The following AR variants were observed in gnomAD, a reference collection of about 807,000 sequenced individuals.
The protein encoded by AR is androgen receptor.
In AR, 8 loss-of-function variants were observed where a neutral mutation model predicts 53.9. The ratio of observed to expected loss-of-function variants is 0.15; its 90% CI spans 0.09 to 0.27. The LOEUF is 0.27. AR is among the 10% of genes least tolerant of loss of function. The pLI, the probability that AR is intolerant of heterozygous loss-of-function variation, is 1.00. For missense variants in AR, 639 were observed against 742.5 expected (o/e 0.86, Z 1.62); for synonymous variants, 359 against 316.4 (o/e 1.13, Z -1.43).
intron 1 of AR, among the ~76,000 whole-genome samples, chrX:67,623,926 TTTAA>T (rs1458896048): frequency 9.0e-6 from 1 of 111,071 alleles, no homozygotes; most frequent in East Asian, 2.8e-4. Flanking sequence ...AGAAAAGCGC[TTTAA>T]TTGACTCACA....
rs193088383 is a variant in AR, at chrX:67,728,238, G to T, written c.*4397G>T. The T allele has an allele frequency of 4.9e-3, 813 of 165,692 alleles. 9 individuals are homozygous for T. The highest frequency in any genetic ancestry group is 0.023 in the African/African-American group (759 of 32,667). The allele number at this position is 165,692 out of a possible 1,213,427, so 13.7% of individuals were successfully genotyped here. A position where few individuals can be genotyped will look rare whatever the true frequency, so the allele number is the denominator to read the frequency against. ...ATTGAAAATAATTTCGGGAAAATGG[G>T]ATTATGGGTCCTTCACTAAGTGATT... On this transcript the variant is annotated 3_prime_UTR_variant, in exon 8 of 8. Coordinates refer to ENST00000374690, the MANE Select transcript of AR (RefSeq NM_000044.6).
intron 3 of AR, among the ~76,000 whole-genome samples, chrX:67,710,902 C>T (rs2076091057): frequency 9.0e-6 from 1 of 111,685 alleles, no homozygotes; most frequent in Non-Finnish European, 1.9e-5. Context: ...TTAGTGTTTT[C>T]CTATTTTGTT....
rs768961988 is a variant in AR, at chrX:67,689,586, G to C, written c.1885+3460G>C. The C allele has an allele frequency of 7.1e-5, 68 of 962,602 alleles. No homozygotes were observed. In the South Asian group the frequency reaches 1.3e-3, roughly 18 times the overall value. The allele number at this position is 962,602 out of a possible 1,213,427, so 79.3% of individuals were successfully genotyped here. ...GTTGTTGTTTCTGAAAGAATCTTGA[G>C]GGTGTTTGGAGTCTCAGAATGGCTT... On this transcript the variant is annotated intron_variant, in intron 3 of 7. Coordinates refer to ENST00000374690, the MANE Select transcript of AR (RefSeq NM_000044.6).
chrX:67,606,648 C>T (rs755800275), intron 1 of AR, among the ~76,000 whole-genome samples: 1 of 112,428 alleles, frequency 8.9e-6, no homozygotes, highest in African/African-American at 3.2e-5. Context: ...GTACTTCTTA[C>T]GTACACTGTG....
rs749511946 is a variant in AR at position 67,725,685 on chromosome X, T to A, written c.*1844T>A. On this transcript the variant is annotated 3_prime_UTR_variant, in exon 8 of 8. Coordinates refer to ENST00000374690, the MANE Select transcript of AR (RefSeq NM_000044.6). ...CTGCTGCTGATTCTGGGCTCTGACA[T>A]TGCCCATACTCACTCAGATTCCCCA... is the stretch of plus-strand genomic sequence containing the variant. 1 of 173,755 alleles carries A rather than the reference T, an allele frequency of 5.8e-6. No homozygotes were observed. The highest frequency in any genetic ancestry group is 3.0e-5 in the African/African-American group (1 of 33,804). 14.3% of individuals were successfully genotyped at this position (173,755 alleles called of 1,213,427 possible). A position where few individuals can be genotyped will look rare whatever the true frequency, so the allele number is the denominator to read the frequency against.
In AR at chrX:67,725,909, T is replaced by C. The variant is rs1372156838; in HGVS notation, c.*2068T>C. 2 of 174,172 alleles carry C rather than the reference T, an allele frequency of 1.1e-5. No homozygotes were observed. Among genetic ancestry groups the C allele is most frequent in the Non-Finnish European group, 2.2e-5 (2 of 91,538 alleles). 14.4% of individuals were successfully genotyped at this position (174,172 alleles called of 1,213,427 possible). A position where few individuals can be genotyped will look rare whatever the true frequency, so the allele number is the denominator to read the frequency against. On this transcript the variant is annotated 3_prime_UTR_variant, in exon 8 of 8. Coordinates refer to ENST00000374690, the MANE Select transcript of AR (RefSeq NM_000044.6). ...GTTGACTTCGTTCTTCAAGCCCAAG[T>C]GCAAGGGAAAATGTCCACCTACTTT... is the stretch of plus-strand genomic sequence containing the variant.
At chrX:67,707,091 G>T (rs997865763) in intron 3 of AR, among the ~76,000 whole-genome samples, 1 of 111,967 alleles carries the variant, frequency 8.9e-6, no homozygotes, top group South Asian at 3.8e-4. Context: ...TTTGGAATAG[G>T]TGTGGTGTGG....
At chrX:67,679,398 T>G (rs2147488714) in intron 2 of AR, among the ~76,000 whole-genome samples, 1 of 111,978 alleles carries the variant, frequency 8.9e-6, no homozygotes, top group Admixed American at 9.5e-5. Flanking sequence ...ATAATTCATT[T>G]AATCATTCCC....
rs753110172 is a variant in AR, at chrX:67,724,623, G to C, written c.*782G>C. 1.7e-5 allele frequency: 3 copies of C among 173,737 alleles called. No individual in the cohort carries two copies. The highest frequency in any genetic ancestry group is 7.9e-5 in the Admixed American group (1 of 12,579). The allele number at this position is 173,737 out of a possible 1,213,427, so 14.3% of individuals were successfully genotyped here. A position where few individuals can be genotyped will look rare whatever the true frequency, so the allele number is the denominator to read the frequency against. On this transcript the variant is annotated 3_prime_UTR_variant, in exon 8 of 8. Transcript: ENST00000374690. ...AGCATCAGTACCTGCCCACAGCCTT[G>C]GTCCCTGGGGGCTAGACTGCTCAAC... is the stretch of plus-strand genomic sequence containing the variant.
At chrX:67,669,457 C>A (rs1927432528) in intron 2 of AR, among the ~76,000 whole-genome samples, 1 of 111,017 alleles carries the variant, frequency 9.0e-6, no homozygotes, top group African/African-American at 3.3e-5. Context: ...GTTTTGTGAC[C>A]TAAGATATGA....
chrX:67,544,983 C>G lies in AR; in HGVS notation c.-164C>G. ...ACGAGACTTTGAGGCTGTCAGAGCGCTTTTTGCGTGGTTGCTCCCGCAAGT... is the reference window on the plus strand; with the variant it reads ...ACGAGACTTTGAGGCTGTCAGAGCGGTTTTTGCGTGGTTGCTCCCGCAAGT... On this transcript the variant is annotated 5_prime_UTR_variant, in exon 1 of 8. Transcript: ENST00000374690. 1.3e-6 allele frequency: 1 copy of G among 774,828 alleles called. No homozygotes were observed. Among genetic ancestry groups the G allele is most frequent in the Non-Finnish European group, 1.8e-6 (1 of 557,113 alleles). The allele number at this position is 774,828 out of a possible 1,213,427, so 63.9% of individuals were successfully genotyped here.
At chrX:67,650,342 T>G (rs2147446468) in intron 2 of AR, among the ~76,000 whole-genome samples, 2 of 112,302 alleles carry the variant, frequency 1.8e-5, no homozygotes, top group African/African-American at 6.5e-5. Context: ...TATCAATTTT[T>G]TATGTGCCTC....
chrX:67,716,025 T>C (rs1270560935), intron 4 of AR, among the ~76,000 whole-genome samples: 1 of 111,809 alleles, frequency 8.9e-6, no homozygotes, highest in Non-Finnish European at 1.9e-5. Context: ...GAGCCTCTGC[T>C]CTCTGAGCTT....
At chrX:67,717,451 C>A in intron 4 of AR, 27 bp from the exon 5 acceptor site, 1 of 1,210,644 alleles carries the variant, frequency 8.3e-7, no homozygotes, top group Non-Finnish European at 1.1e-6. Flanking sequence ...CCCAGACTGA[C>A]CACTGCCTCT....
chrX:67,708,513 T>G (rs979048048), intron 3 of AR, among the ~76,000 whole-genome samples: 1 of 111,985 alleles, frequency 8.9e-6, no homozygotes, highest in Admixed American at 9.5e-5. Flanking sequence ...TAAGGCCGTC[T>G]CTACATTGAT....
At chrX:67,712,051 C>T (rs543626363) in intron 4 of AR, among the ~76,000 whole-genome samples, 13 of 111,942 alleles carry the variant, frequency 1.2e-4, no homozygotes, top group African/African-American at 3.9e-4. Context: ...AGGCTCACCC[C>T]AAAGATAATC....
intron 2 of AR, among the ~76,000 whole-genome samples, chrX:67,657,993 A>G (rs1347098172): frequency 8.9e-6 from 1 of 111,834 alleles, no homozygotes; most frequent in East Asian, 2.8e-4. Context: ...GAATTTATGA[A>G]AGGGCCCTCT....
At chrX:67,708,442 T>C (rs1485023113) in intron 3 of AR, among the ~76,000 whole-genome samples, 1 of 112,274 alleles carries the variant, frequency 8.9e-6, no homozygotes, top group Non-Finnish European at 1.9e-5. Context: ...AATCAGCTAC[T>C]GAAGCTTGTG....
intron 2 of AR, among the ~76,000 whole-genome samples, chrX:67,674,446 G>A (rs2075886879): frequency 9.0e-6 from 1 of 111,249 alleles, no homozygotes; most frequent in Non-Finnish European, 1.9e-5. Context: ...TCCTCAAGCA[G>A]GTCCAGGGAT....
Sources: allele counts gnomAD v4.1 joint callset (sites outside exome capture counted in the v4.1 genomes callset), GRCh38; gene constraint gnomAD v4.1.1; transcripts MANE v1.5; gene names NCBI Gene and HGNC (gene_info 2026-07-23, HGNC 2026-07-21).